ANXA8: variants seen among roughly 807,000 people sequenced by gnomAD.
ANXA8 encodes the protein VAC-beta.
A neutral mutation model predicts 26.8 loss-of-function variants in ANXA8; 9 were observed. The ratio of observed to expected loss-of-function variants is 0.34; its 90% CI spans 0.20 to 0.59. The LOEUF is 0.59. Among genes scored for constraint, ANXA8 ranks in the 20% least tolerant of loss-of-function variants. ANXA8 has a pLI of 0.84. For missense variants in ANXA8, 83 were observed against 238.5 expected (o/e 0.35, Z 4.29); for synonymous variants, 39 against 94.8 (o/e 0.41, Z 3.42).
the ANXA8 span, among the ~76,000 whole-genome samples, chr10:47,573,455 C>A: frequency 7.2e-6 from 1 of 138,800 alleles, no homozygotes; most frequent in East Asian, 2.2e-4. Context: ...TTTGAGGTAA[C>A]AAGCTTACTT....
the ANXA8 span, among the ~76,000 whole-genome samples, chr10:47,557,007 T>C: frequency 6.8e-4 from 90 of 131,730 alleles, no homozygotes; most frequent in African/African-American, 1.9e-3. Flanking sequence ...TTCTTTCTTT[T>C]TTTTTTTTTT....
At chr10:47,928,750 C>CTTT in the ANXA8 span, among the ~76,000 whole-genome samples, 44 of 102,750 alleles carry the variant, frequency 4.3e-4, no homozygotes, top group African/African-American at 1.6e-3. Context: ...CTCTCTCTCT[C>CTTT]TTTTTTTTTT....
the ANXA8 span, chr10:47,599,963 G>C: frequency 1.3e-5 from 2 of 149,768 alleles, no homozygotes; most frequent in Non-Finnish European, 2.9e-5. Context: ...CACAATATTT[G>C]TACAGATTAT....
At chr10:47,896,483 G>A in the ANXA8 span, among the ~76,000 whole-genome samples, 1 of 151,452 alleles carries the variant, frequency 6.6e-6, no homozygotes, top group Non-Finnish European at 1.5e-5. Flanking sequence ...AGGCTCTCCT[G>A]GGTTGCAATC....
At chr10:47,496,721 G>A in the ANXA8 span, among the ~76,000 whole-genome samples, 1 of 147,958 alleles carries the variant, frequency 6.8e-6, no homozygotes, top group African/African-American at 2.5e-5. Flanking sequence ...TCTTGAACCA[G>A]TACTGATCAG....
chr10:47,506,341 CT>C, the ANXA8 span, among the ~76,000 whole-genome samples: 1 of 138,248 alleles, frequency 7.2e-6, no homozygotes, highest in Non-Finnish European at 1.6e-5. Flanking sequence ...TTCTTTTTCT[CT>C]TTTTTTGAGA....
chr10:47,944,189 T>C, the ANXA8 span, among the ~76,000 whole-genome samples: 3 of 145,358 alleles, frequency 2.1e-5, no homozygotes, highest in African/African-American at 8.0e-5. Flanking sequence ...GATGGCGCCT[T>C]CTTGCTGTGT....
chr10:47,626,038 A>G, the ANXA8 span, among the ~76,000 whole-genome samples: 1 of 150,422 alleles, frequency 6.6e-6, no homozygotes, highest in East Asian at 1.9e-4. Context: ...GTGTTGTTGC[A>G]GAAGATTTCT....
chr10:47,991,065 T>C, the ANXA8 span, among the ~76,000 whole-genome samples: 1 of 101,344 alleles, frequency 9.9e-6, no homozygotes, highest in African/African-American at 3.8e-5. Context: ...AACAGCAGGT[T>C]CAGGTTACTC....
At chr10:47,987,383 A>T in the ANXA8 span, 1 of 310,780 alleles carries the variant, frequency 3.2e-6, no homozygotes, top group African/African-American at 4.4e-5. Context: ...TGGGCCGAGC[A>T]CTTCAGTCAA....
chr10:47,616,302 C>T, the ANXA8 span, among the ~76,000 whole-genome samples: 4 of 62,468 alleles, frequency 6.4e-5, 1 homozygote, highest in Admixed American at 1.7e-4. Context: ...CTGCTTCTGT[C>T]GGGAGTGAAT....
chr10:47,672,919 A>G, the ANXA8 span, among the ~76,000 whole-genome samples: 3 of 151,564 alleles, frequency 2.0e-5, no homozygotes, highest in African/African-American at 7.3e-5. Context: ...AGCTGAGGAT[A>G]CAAGGGAGCC....
the ANXA8 span, among the ~76,000 whole-genome samples, chr10:47,738,420 G>A: frequency 6.9e-6 from 1 of 144,102 alleles, no homozygotes; most frequent in South Asian, 2.3e-4. Context: ...TATTTTTAAT[G>A]AGATTGCTTT....
chr10:47,909,621 C>A, the ANXA8 span, among the ~76,000 whole-genome samples: 1 of 75,106 alleles, frequency 1.3e-5, no homozygotes, highest in South Asian at 5.7e-4. Context: ...CATAACACTT[C>A]TTTGAACTCC....
the ANXA8 span, among the ~76,000 whole-genome samples, chr10:47,509,037 A>C: frequency 7.4e-6 from 1 of 135,406 alleles, no homozygotes; most frequent in Non-Finnish European, 1.5e-5. Context: ...TGAATACACC[A>C]AATGATTATT....
chr10:47,954,288 G>T, the ANXA8 span, among the ~76,000 whole-genome samples: 1 of 151,108 alleles, frequency 6.6e-6, no homozygotes, highest in South Asian at 2.1e-4. Flanking sequence ...AATAAAAAAG[G>T]CACAGAAACA....
At chr10:47,550,269 T>C in the ANXA8 span, among the ~76,000 whole-genome samples, 3 of 151,548 alleles carry the variant, frequency 2.0e-5, no homozygotes, top group Admixed American at 6.6e-5. Flanking sequence ...AAGGTCACCA[T>C]CTCCCAAAGC....
the ANXA8 span, among the ~76,000 whole-genome samples, chr10:47,645,040 T>C: frequency 1.6e-4 from 25 of 151,938 alleles, no homozygotes; most frequent in African/African-American, 5.6e-4. Flanking sequence ...TAGAGGATCC[T>C]GATATCTGTC....
chr10:47,769,720 G>A, the ANXA8 span, among the ~76,000 whole-genome samples: 1 of 152,306 alleles, frequency 6.6e-6, no homozygotes, highest in African/African-American at 2.4e-5. Context: ...TGGGAAGGCT[G>A]TTCTTTGGTT....
Sources: gnomAD v4.1 joint callset for allele counts (sites outside exome capture counted in the v4.1 genomes callset) on GRCh38, gnomAD v4.1.1 for gene constraint, MANE v1.5 for transcripts, NCBI Gene and HGNC (gene_info 2026-07-23, HGNC 2026-07-21) for gene names.